DNAH14: variants seen among roughly 807,000 people sequenced by gnomAD.
DNAH14 encodes the protein dynein axonemal heavy chain 14.
A neutral mutation model predicts 520.9 loss-of-function variants in DNAH14; 478 were observed. That is an observed-to-expected ratio of 0.92 (90% CI 0.85 to 0.99). The LOEUF (loss-of-function observed/expected upper bound fraction) is 0.99. Ranked by LOEUF, DNAH14 falls within the 50% of genes least tolerant of loss-of-function variation. DNAH14 has a pLI of 0.00. For synonymous variants in DNAH14, 1,581 were observed against 1,757.2 expected (o/e 0.90, Z 2.51); for missense variants, 4,831 against 5,234.5 (o/e 0.92, Z 2.38).
chr1:225,041,179 T>C (rs2067449955), intron 12 of DNAH14, among the ~76,000 whole-genome samples: 1 of 152,244 alleles, frequency 6.6e-6, no homozygotes. Flanking sequence ...ATCTTGCCCC[T>C]GCTTTGCCCT....
chr1:224,989,876 G>T (rs557561168), intron 8 of DNAH14, among the ~76,000 whole-genome samples: 2 of 151,842 alleles, frequency 1.3e-5, no homozygotes, highest in East Asian at 1.9e-4. Context: ...ATAGATTTTT[G>T]AATACAAAAC....
intron 59 of DNAH14, among the ~76,000 whole-genome samples, 164 bp from the exon 60 acceptor site, chr1:225,308,121 T>C (rs2094287206): frequency 1.3e-5 from 2 of 152,224 alleles, no homozygotes; most frequent in Admixed American, 1.3e-4. Flanking sequence ...CTCTCTCCAT[T>C]TTATTCATCT....
rs925177809 is a variant in DNAH14 at position 225,232,731 on chromosome 1, C to A, written c.6518+1580C>A. ...TTTGGTCTCAATTAAATGGTTACTTCTTCAAAGATACCTTCCCTGACTCCC... is the reference window on the plus strand; with the variant it reads ...TTTGGTCTCAATTAAATGGTTACTTATTCAAAGATACCTTCCCTGACTCCC... On this transcript the variant is annotated intron_variant, in intron 42 of 85. Coordinates refer to ENST00000682510, the MANE Select transcript of DNAH14 (RefSeq NM_001367479.1). The surrounding 1 kb of genome is among the most constrained non-coding windows in gnomAD (Gnocchi z 4.2). 3.9e-5 allele frequency among the ~76,000 whole-genome samples: 6 copies of A among 152,232 alleles called. No individual in the cohort carries two copies. The highest frequency in any genetic ancestry group is 7.3e-5 in the Non-Finnish European group (5 of 68,044).
chr1:225,137,202 A>G (rs1311835258), intron 27 of DNAH14, among the ~76,000 whole-genome samples: 1 of 152,194 alleles, frequency 6.6e-6, no homozygotes, highest in African/African-American at 2.4e-5. Context: ...CAATTGGAAG[A>G]GGAGAAGCAC....
In DNAH14 at chr1:225,275,849, T is replaced by C. The variant is rs549544304; in HGVS notation, c.8011-65T>C. 3 of 236,138 alleles carry C rather than the reference T, an allele frequency of 1.3e-5. No homozygotes were observed. The South Asian group carries it at 1.7e-4, about 14-fold the overall frequency. The allele number at this position is 236,138 out of a possible 1,614,324, so 14.6% of individuals were successfully genotyped here. On this transcript the variant is annotated intron_variant, in intron 52 of 85. Transcript: ENST00000682510. Reference sequence around the variant, plus strand: ...GCTTCTCCAACACAGATATATGCTGTGAGTTTTGATAACAAGTAGAATTGT... The same window carrying C: ...GCTTCTCCAACACAGATATATGCTGCGAGTTTTGATAACAAGTAGAATTGT...
intron 10 of DNAH14, among the ~76,000 whole-genome samples, chr1:225,012,694 CTTTATTTCAT>C (rs2064889142): frequency 6.6e-6 from 1 of 152,150 alleles, no homozygotes; most frequent in Non-Finnish European, 1.5e-5. Context: ...TGTCTTCACA[CTTTATTTCAT>C]TAAGTTGATC....
chr1:224,969,399 A>C (rs572606768), intron 7 of DNAH14: 1 of 156,618 alleles, frequency 6.4e-6, no homozygotes, highest in Admixed American at 6.5e-5. Context: ...TGTTGACAAG[A>C]AGCTTTATCA....
At position 225,129,399 on chromosome 1, in the gene DNAH14, G is replaced by A. The variant is rs868478758; in HGVS notation, c.4254+5785G>A. On this transcript the variant is annotated intron_variant, in intron 27 of 85. Transcript: ENST00000682510. ...AAAAGAACAAAGCTGGAGGCATCAC[G>A]CTACCTGACTTCAAACTATACTACA... Among the ~76,000 whole-genome samples the A allele has an allele frequency of 6.3e-4, 95 of 150,232 alleles. 1 individual carries two copies. Among genetic ancestry groups the A allele is most frequent in the South Asian group, 1.5e-3 (7 of 4,766 alleles).
At chr1:225,398,393 G>C in intron 84 of DNAH14, 127 bp from the exon 85 acceptor site, 1 of 1,185,774 alleles carries the variant, frequency 8.4e-7, no homozygotes, top group Non-Finnish European at 1.2e-6. Flanking sequence ...ATTCACCTTA[G>C]AACTTGGGGC....
intron 26 of DNAH14, among the ~76,000 whole-genome samples, chr1:225,121,037 A>G (rs1465969042): frequency 6.6e-6 from 1 of 152,204 alleles, no homozygotes; most frequent in Non-Finnish European, 1.5e-5. Context: ...CATAATGCAT[A>G]GGTTTCTGGA....
intron 36 of DNAH14, among the ~76,000 whole-genome samples, chr1:225,173,563 C>G (rs1380707463): frequency 6.6e-6 from 1 of 152,124 alleles, no homozygotes; most frequent in Non-Finnish European, 1.5e-5. Flanking sequence ...CAATGAGATA[C>G]CATTTCACAC....
chr1:225,020,558 A>G, intron 10 of DNAH14, among the ~76,000 whole-genome samples: 1 of 151,902 alleles, frequency 6.6e-6, no homozygotes. Context: ...CATACAAACT[A>G]GAAAACCTAC....
In DNAH14 at chr1:224,956,802, C is replaced by T. The variant is rs181919617; in HGVS notation, c.217+1704C>T. Among the ~76,000 whole-genome samples the T allele has an allele frequency of 2.0e-3, 311 of 152,198 alleles. 9 individuals are homozygous for T. The highest frequency in any genetic ancestry group is 0.019 in the Admixed American group (286 of 15,268). On this transcript the variant is annotated intron_variant, in intron 3 of 85. Coordinates refer to ENST00000682510, the MANE Select transcript of DNAH14 (RefSeq NM_001367479.1). ...CTTCATTGGGCCAGAATGTTTTAAT[C>T]TGTGGAGTGCCTAGACCTTACAGAT...
At chr1:225,255,433 C>T (rs977461653) in intron 44 of DNAH14, among the ~76,000 whole-genome samples, 3 of 152,172 alleles carry the variant, frequency 2.0e-5, no homozygotes, top group Non-Finnish European at 2.9e-5. Context: ...TACACACACA[C>T]GTATAATTTA....
At chr1:225,335,931 C>CTATATATACATATATG (rs372460278) in intron 66 of DNAH14, among the ~76,000 whole-genome samples, 1 of 124,356 alleles carries the variant, frequency 8.0e-6, no homozygotes, top group Non-Finnish European at 1.7e-5. Context: ...GCACATATAC[C>CTATATATACATATATG]TATATATACA....
At position 225,051,516 on chromosome 1, in the gene DNAH14, T is replaced by G; in HGVS notation, c.2145T>G (p.Phe715Leu). ...MGLVNAYSHKFIKYCTMTEKA... is the reference protein window; with the variant it reads ...MGLVNAYSHKLIKYCTMTEKA... Reference sequence around the variant, plus strand: ...TAGTTAATGCTTACAGCCACAAGTTTATAAAGTATTGTACCATGACAGAAA... The same window carrying G: ...TAGTTAATGCTTACAGCCACAAGTTGATAAAGTATTGTACCATGACAGAAA... Residue 715 changes from phenylalanine (F) to leucine (L), a missense_variant, in exon 17 of 86, where the codon TTT (phenylalanine) becomes TTG (leucine). Coordinates refer to ENST00000682510, the MANE Select transcript of DNAH14 (RefSeq NM_001367479.1). 1 of 1,548,260 alleles carries G rather than the reference T, an allele frequency of 6.5e-7. No homozygotes were observed. The highest frequency in any genetic ancestry group is 8.7e-7 in the Non-Finnish European group (1 of 1,145,924).
At chr1:224,969,876 G>A (rs3128647) in intron 7 of DNAH14, 14,626 of 152,538 alleles carry the variant, frequency 0.096, 2,260 homozygotes, top group African/African-American at 0.33. Flanking sequence ...ATCTTCGTAA[G>A]CTGAGGAGGA....
chr1:225,081,456 G>T (rs994800768), intron 19 of DNAH14, among the ~76,000 whole-genome samples: 2 of 152,290 alleles, frequency 1.3e-5, no homozygotes, highest in East Asian at 3.9e-4. Context: ...AACACTGATT[G>T]TGTGCATCCC....
intron 17 of DNAH14, among the ~76,000 whole-genome samples, chr1:225,065,857 C>T (rs2070823332): frequency 6.6e-6 from 1 of 152,026 alleles, no homozygotes; most frequent in African/African-American, 2.4e-5. Context: ...ATACTTATTT[C>T]AGATCTTTTG....
Sources: allele counts gnomAD v4.1 joint callset (sites outside exome capture counted in the v4.1 genomes callset), GRCh38; gene constraint gnomAD v4.1.1; non-coding constraint Gnocchi (gnomAD v3.1); transcripts MANE v1.5; gene names NCBI Gene and HGNC (gene_info 2026-07-23, HGNC 2026-07-21).